The following SDK1 variants were observed in gnomAD, a reference collection of about 807,000 sequenced individuals.
The protein encoded by SDK1 is protein sidekick-1.
SDK1 carries 157 observed loss-of-function variants against 245.5 expected under a neutral mutation model. That is an observed-to-expected ratio of 0.64 (90% CI 0.56 to 0.73). The LOEUF (loss-of-function observed/expected upper bound fraction) is 0.73. Ranked by LOEUF, SDK1 falls within the 30% of genes least tolerant of loss-of-function variation. SDK1 has a pLI of 0.00. For synonymous variants in SDK1, 1,647 were observed against 1,278.5 expected (o/e 1.29, Z -6.15); for missense variants, 3,583 against 3,002.3 (o/e 1.19, Z -4.52).
chr7:3,800,163 C>T (rs1779069907), intron 4 of SDK1, among the ~76,000 whole-genome samples: 1 of 152,074 alleles, frequency 6.6e-6, no homozygotes. Context: ...TAGGAAGCTT[C>T]CAGCCTGTGT....
At chr7:4,157,700 A>G (rs929934086) in intron 30 of SDK1, among the ~76,000 whole-genome samples, 3 of 152,150 alleles carry the variant, frequency 2.0e-5, no homozygotes, top group African/African-American at 4.8e-5. Flanking sequence ...GAATATTGCC[A>G]TTTACTAGTC....
intron 1 of SDK1, among the ~76,000 whole-genome samples, chr7:3,562,496 A>G (rs994364193): frequency 1.3e-5 from 2 of 152,112 alleles, no homozygotes; most frequent in Non-Finnish European, 2.9e-5. Flanking sequence ...CTAACAACAA[A>G]AATGCTAGGA....
At chr7:3,323,060 C>T (rs908360189) in intron 1 of SDK1, among the ~76,000 whole-genome samples, 17 of 152,176 alleles carry the variant, frequency 1.1e-4, no homozygotes, top group Non-Finnish European at 1.5e-5. Context: ...TCTCGGCCTC[C>T]TAGAGTGCTG....
At chr7:3,768,772 A>C (rs948448481) in intron 4 of SDK1, among the ~76,000 whole-genome samples, 1 of 152,130 alleles carries the variant, frequency 6.6e-6, no homozygotes, top group African/African-American at 2.4e-5. Context: ...CACTTTCTGA[A>C]ACTCCCACGT....
intron 4 of SDK1, among the ~76,000 whole-genome samples, chr7:3,649,958 G>A (rs967213939): frequency 3.3e-5 from 5 of 150,752 alleles, no homozygotes; most frequent in African/African-American, 7.3e-5. Flanking sequence ...GGAAGGAATC[G>A]ATTTTATTCT....
intron 1 of SDK1, among the ~76,000 whole-genome samples, chr7:3,580,987 A>AAC (rs1157141868): frequency 1.1e-4 from 16 of 139,182 alleles, no homozygotes; most frequent in African/African-American, 4.0e-4. Context: ...AAAAAAAAAA[A>AAC]AAAAAAACCA....
At chr7:3,445,199 T>C (rs928769840) in intron 1 of SDK1, among the ~76,000 whole-genome samples, 3 of 152,230 alleles carry the variant, frequency 2.0e-5, no homozygotes, top group Non-Finnish European at 4.4e-5. Flanking sequence ...TCAAACAATA[T>C]ATTCTTTTAA....
intron 4 of SDK1, among the ~76,000 whole-genome samples, chr7:3,807,977 C>T (rs1162057558): frequency 6.6e-6 from 1 of 152,170 alleles, no homozygotes; most frequent in African/African-American, 2.4e-5. Flanking sequence ...TTATCCCCAT[C>T]TGACCTGCGC....
intron 1 of SDK1, among the ~76,000 whole-genome samples, chr7:3,450,651 G>A (rs1780486192): frequency 6.6e-6 from 1 of 152,168 alleles, no homozygotes; most frequent in African/African-American, 2.4e-5. Flanking sequence ...GGCTTTTAGG[G>A]TTTTGTGGGG....
chr7:3,763,160 T>A (rs977635958), intron 4 of SDK1, among the ~76,000 whole-genome samples: 2 of 152,220 alleles, frequency 1.3e-5, no homozygotes, highest in Non-Finnish European at 2.9e-5. Context: ...TAATTTGTCT[T>A]GGATAAACTG....
chr7:3,604,900 C>T (rs1397404311), intron 1 of SDK1, among the ~76,000 whole-genome samples: 2 of 151,966 alleles, frequency 1.3e-5, no homozygotes, highest in African/African-American at 4.8e-5. Context: ...CGGTGTCCAG[C>T]CCCAAACATT....
intron 1 of SDK1, among the ~76,000 whole-genome samples, chr7:3,437,816 C>T (rs1217707779): frequency 1.3e-5 from 2 of 152,072 alleles, no homozygotes; most frequent in Non-Finnish European, 2.9e-5. Context: ...ATTCAGATAC[C>T]TTAGTGGAAG....
At chr7:3,916,262 A>G (rs982410814) in intron 5 of SDK1, among the ~76,000 whole-genome samples, 2 of 152,232 alleles carry the variant, frequency 1.3e-5, no homozygotes, top group Non-Finnish European at 2.9e-5. Flanking sequence ...AATCAGGGAA[A>G]GTCAATTATG....
At chr7:3,822,568 G>C (rs1197464144) in intron 5 of SDK1, among the ~76,000 whole-genome samples, 1 of 151,994 alleles carries the variant, frequency 6.6e-6, no homozygotes, top group Non-Finnish European at 1.5e-5. Context: ...TCAAGAGTTC[G>C]AGACCAGCCT....
intron 17 of SDK1, among the ~76,000 whole-genome samples, chr7:4,029,527 CTCATTCAT>C (rs58325112): frequency 2.0e-5 from 3 of 151,968 alleles, no homozygotes; most frequent in Non-Finnish European, 2.9e-5. Context: ...CTTTCATTCA[CTCATTCAT>C]TCATTCATTC....
chr7:4,236,244 C>T (rs1786158442), intron 41 of SDK1, among the ~76,000 whole-genome samples: 1 of 152,138 alleles, frequency 6.6e-6, no homozygotes, highest in Non-Finnish European at 1.5e-5. Flanking sequence ...GCTTCCAGTG[C>T]CACAGAACCT....
At chr7:3,509,779 C>T (rs1029289606) in intron 1 of SDK1, among the ~76,000 whole-genome samples, 16 of 152,166 alleles carry the variant, frequency 1.1e-4, no homozygotes, top group Admixed American at 5.9e-4. Context: ...GTAAGAAAAG[C>T]AGCATGACAG....
rs111493059 is a variant in SDK1 at position 3,622,425 on chromosome 7, G to C, written c.458+3186G>C. On this transcript the variant is annotated intron_variant, in intron 2 of 44. Transcript: ENST00000404826. ...GAGCCCAGGAGGCAGAGGTTGCAGT[G>C]AGCCAGGATCGCACCACTGCACTCC... Among the ~76,000 whole-genome samples the C allele has an allele frequency of 8.5e-3, 1,296 of 152,282 alleles. 23 individuals are homozygous for C. Among genetic ancestry groups the C allele is most frequent in the African/African-American group, 0.029 (1,220 of 41,550 alleles).
intron 1 of SDK1, among the ~76,000 whole-genome samples, chr7:3,484,098 C>A (rs1237256480): frequency 6.6e-6 from 1 of 152,112 alleles, no homozygotes; most frequent in Non-Finnish European, 1.5e-5. Context: ...TTAAGAAATG[C>A]CTTACTTCAG....
Sources: allele counts gnomAD v4.1 joint callset (sites outside exome capture counted in the v4.1 genomes callset), GRCh38; gene constraint gnomAD v4.1.1; transcripts MANE v1.5; gene names NCBI Gene and HGNC (gene_info 2026-07-23, HGNC 2026-07-21).